OSMR: variants seen among roughly 807,000 people sequenced by gnomAD.
OSMR encodes the protein oncostatin-M-specific receptor subunit beta.
In OSMR, 81 loss-of-function variants were observed where a neutral mutation model predicts 99.9. The observed-to-expected ratio is 0.81, with a 90% CI of 0.68 to 0.97. OSMR has a LOEUF of 0.97. OSMR is among the 50% of genes least tolerant of loss of function. The pLI is 0.00. For missense variants in OSMR, 1,099 were observed against 1,153.4 expected, an observed-to-expected ratio of 0.95 and a Z score of 0.68; for synonymous variants, 406 against 410.4, an observed-to-expected ratio of 0.99 and a Z score of 0.13.
intron 5 of OSMR, among the ~76,000 whole-genome samples, chr5:38,884,890 A>G (rs762536723): frequency 3.3e-5 from 5 of 152,086 alleles, no homozygotes; most frequent in Non-Finnish European, 7.4e-5. Flanking sequence ...TCCCCTTAGC[A>G]TGACCACTAA....
chr5:38,869,649 A>C (rs1168387973), intron 2 of OSMR, among the ~76,000 whole-genome samples: 2 of 152,230 alleles, frequency 1.3e-5, no homozygotes, highest in Non-Finnish European at 2.9e-5. Flanking sequence ...TGTTTTATAA[A>C]TAAATAATAT....
intron 15 of OSMR, 153 bp from the exon 16 acceptor site, chr5:38,931,730 C>A (rs953884837): frequency 3.1e-6 from 3 of 981,954 alleles, no homozygotes; most frequent in Admixed American, 1.2e-4. Flanking sequence ...TGGCTTTTCC[C>A]CTGAAGTCAG....
At chr5:38,932,023 A>AT in intron 16 of OSMR, 59 bp downstream of exon 16, 1 of 1,225,276 alleles carries the variant, frequency 8.2e-7, no homozygotes, top group Non-Finnish European at 1.2e-6. Context: ...CTGGAAAGAG[A>AT]TTTAGTAAGA....
intron 15 of OSMR, among the ~76,000 whole-genome samples, chr5:38,930,612 A>G (rs753910189): frequency 5.9e-5 from 9 of 152,164 alleles, no homozygotes; most frequent in Non-Finnish European, 1.3e-4. Context: ...CAGCTGAATT[A>G]TTATTTGGTG....
At chr5:38,937,322 C>T (rs180741545), downstream of OSMR, among the ~76,000 whole-genome samples, 40 of 152,328 alleles carry the variant, frequency 2.6e-4, no homozygotes, top group East Asian at 3.7e-3. This position sits in a 1 kb window ranked among gnomAD's most constrained non-coding sequence, Gnocchi z 4.0. Flanking sequence ...CGTGAGCCAC[C>T]GCGCCCGGCC....
chr5:38,937,711 A>G (rs1747123981), downstream of OSMR, among the ~76,000 whole-genome samples: 1 of 152,228 alleles, frequency 6.6e-6, no homozygotes, highest in African/African-American at 2.4e-5. The surrounding 1 kb of genome is among the most constrained non-coding windows in gnomAD (Gnocchi z 4.0). Flanking sequence ...ATCCCTTTAG[A>G]TATTTAAAAA....
chr5:38,920,490 T>C (rs2112646261), intron 11 of OSMR, among the ~76,000 whole-genome samples: 1 of 152,302 alleles, frequency 6.6e-6, no homozygotes. Context: ...GGCCTTAATA[T>C]GTGAGGGGCA....
chr5:38,924,324 C>G (rs534576997), intron 13 of OSMR, 98 bp from the exon 14 acceptor site: 2 of 1,587,222 alleles, frequency 1.3e-6, no homozygotes, highest in South Asian at 2.3e-5. Context: ...GCTGTTACAA[C>G]CTCCAGAGCT....
At chr5:38,879,354 C>T (rs1316699627) in intron 3 of OSMR, among the ~76,000 whole-genome samples, 1 of 152,166 alleles carries the variant, frequency 6.6e-6, no homozygotes, top group East Asian at 1.9e-4. Context: ...ATCCCAAGGG[C>T]AATAAGAACA....
At chr5:38,916,168 T>C (rs991977999) in intron 9 of OSMR, among the ~76,000 whole-genome samples, 12 of 152,246 alleles carry the variant, frequency 7.9e-5, no homozygotes, top group Non-Finnish European at 1.8e-4. Flanking sequence ...TAATAGGACT[T>C]TCATAATATT....
chr5:38,875,195 A>G (rs1742718638), intron 2 of OSMR, among the ~76,000 whole-genome samples: 2 of 152,228 alleles, frequency 1.3e-5, no homozygotes, highest in South Asian at 4.1e-4. Context: ...TTATCTTTTC[A>G]ATACCTTTGT....
At chr5:38,895,754 A>G (rs766202091) in intron 7 of OSMR, among the ~76,000 whole-genome samples, 4 of 151,886 alleles carry the variant, frequency 2.6e-5, no homozygotes, top group South Asian at 2.1e-4. Flanking sequence ...AGTTTCCCCA[A>G]TGTTTTCTTG....
chr5:38,873,673 G>T (rs1333187343), intron 2 of OSMR, among the ~76,000 whole-genome samples: 1 of 152,072 alleles, frequency 6.6e-6, no homozygotes, highest in Non-Finnish European at 1.5e-5. Flanking sequence ...AATTATTATA[G>T]CCATCTTCAT....
chr5:38,906,194 CA>C (rs1358451316), intron 9 of OSMR, among the ~76,000 whole-genome samples: 1 of 151,108 alleles, frequency 6.6e-6, no homozygotes, highest in Admixed American at 6.6e-5. Context: ...AAATTTATTC[CA>C]ACATAACTAA....
chr5:38,893,302 G>A (rs1463771016), intron 7 of OSMR, among the ~76,000 whole-genome samples: 1 of 152,204 alleles, frequency 6.6e-6, no homozygotes, highest in African/African-American at 2.4e-5. Flanking sequence ...GAAATGTTGT[G>A]ACAACATCAA....
intron 8 of OSMR, 89 bp from the exon 9 acceptor site, chr5:38,904,264 T>C (rs1221224664): frequency 2.6e-6 from 4 of 1,550,254 alleles, no homozygotes; most frequent in East Asian, 2.4e-5. Context: ...TGCTGTGCTC[T>C]GGTTTGCCTT....
At chr5:38,861,534 C>G (rs371472155) in intron 1 of OSMR, among the ~76,000 whole-genome samples, 261 of 152,334 alleles carry the variant, frequency 1.7e-3, no homozygotes, top group African/African-American at 4.4e-3. Flanking sequence ...ACACAGACAC[C>G]GCAACCATCC....
intron 9 of OSMR, 91 bp downstream of exon 9, chr5:38,904,594 A>G (rs1223365246): frequency 6.7e-7 from 1 of 1,500,722 alleles, no homozygotes; most frequent in Non-Finnish European, 9.2e-7. Context: ...CCAAAAACTA[A>G]GAGAAAAATA....
intron 9 of OSMR, among the ~76,000 whole-genome samples, chr5:38,909,858 A>T (rs1458037250): frequency 2.6e-5 from 4 of 152,204 alleles, no homozygotes; most frequent in African/African-American, 4.8e-5. Context: ...CAATGACAGG[A>T]TCAAATCCAC....
Sources: allele counts gnomAD v4.1 joint callset (sites outside exome capture counted in the v4.1 genomes callset), GRCh38; gene constraint gnomAD v4.1.1; non-coding constraint Gnocchi (gnomAD v3.1); transcripts MANE v1.5; gene names NCBI Gene and HGNC (gene_info 2026-07-23, HGNC 2026-07-21).